Variants in BMPR1A observed in about 807,000 individuals in gnomAD.
The protein encoded by BMPR1A is bone morphogenetic protein receptor type 1A.
BMPR1A carries 7 observed loss-of-function variants against 66.0 expected under a neutral mutation model. That is an observed-to-expected ratio of 0.11 (90% CI 0.06 to 0.20). The LOEUF (loss-of-function observed/expected upper bound fraction) is 0.20. Ranked by LOEUF, BMPR1A falls within the 10% of genes least tolerant of loss-of-function variation. The pLI is 1.00. For missense variants in BMPR1A, 408 were observed against 669.1 expected, an observed-to-expected ratio of 0.61 and a Z score of 4.31; for synonymous variants, 200 against 229.7, an observed-to-expected ratio of 0.87 and a Z score of 1.17.
chr10:86,888,823 T>C (rs1045137150), intron 3 of BMPR1A, among the ~76,000 whole-genome samples: 2 of 115,578 alleles, frequency 1.7e-5, no homozygotes, highest in Non-Finnish European at 3.2e-5. Flanking sequence ...TGAGACCATG[T>C]CTCAAAAAAA....
chr10:86,792,584 C>T (rs936654796), intron 1 of BMPR1A, among the ~76,000 whole-genome samples: 1 of 152,050 alleles, frequency 6.6e-6, no homozygotes, highest in African/African-American at 2.4e-5. Context: ...TTGCTTGAGT[C>T]CAGGAGTTTG....
chr10:86,821,405 T>C (rs1842118340), intron 1 of BMPR1A, among the ~76,000 whole-genome samples: 1 of 152,126 alleles, frequency 6.6e-6, no homozygotes, highest in Admixed American at 6.5e-5. Context: ...TACATTATTT[T>C]TGTTTTTGCT....
intron 1 of BMPR1A, among the ~76,000 whole-genome samples, chr10:86,801,874 G>A (rs534513593): frequency 1.1e-4 from 16 of 152,032 alleles, no homozygotes; most frequent in African/African-American, 3.1e-4. Flanking sequence ...CACCATGCCC[G>A]GCTAATTTTT....
intron 1 of BMPR1A, among the ~76,000 whole-genome samples, chr10:86,820,684 T>TC (rs1842109525): frequency 6.6e-6 from 1 of 152,068 alleles, no homozygotes; most frequent in Non-Finnish European, 1.5e-5. Context: ...CTCCTTGCCC[T>TC]CCCCCCGGAC....
At chr10:86,808,473 G>A (rs1341653030) in intron 1 of BMPR1A, among the ~76,000 whole-genome samples, 1 of 151,738 alleles carries the variant, frequency 6.6e-6, no homozygotes, top group Admixed American at 6.6e-5. Context: ...TTTTCCAAAG[G>A]TGGAACTGTG....
At chr10:86,931,298 C>CACACACACACAT, downstream of BMPR1A, 27 of 90,924 alleles carry the variant, frequency 3.0e-4, 2 homozygotes, top group African/African-American at 1.9e-3. Context: ...CACACACACA[C>CACACACACACAT]ATATATATAT....
chr10:86,855,650 T>G, intron 2 of BMPR1A: 1 of 685,490 alleles, frequency 1.5e-6, no homozygotes, highest in Non-Finnish European at 2.7e-6. Flanking sequence ...GGCAGCTTTC[T>G]CCTGAGTATC....
chr10:86,888,055 G>GAT (rs1197880006), intron 3 of BMPR1A, among the ~76,000 whole-genome samples: 3 of 152,034 alleles, frequency 2.0e-5, no homozygotes, highest in Admixed American at 1.3e-4. Context: ...TCCAACGGAA[G>GAT]CCTTGACATT....
intron 2 of BMPR1A, among the ~76,000 whole-genome samples, chr10:86,861,787 T>C (rs1446621515): frequency 6.6e-6 from 1 of 152,210 alleles, no homozygotes; most frequent in Non-Finnish European, 1.5e-5. Context: ...CAGCGGAAAC[T>C]TTTTCCTCAC....
intron 1 of BMPR1A, among the ~76,000 whole-genome samples, chr10:86,759,204 T>A (rs1840985855): frequency 6.6e-6 from 1 of 152,200 alleles, no homozygotes; most frequent in Non-Finnish European, 1.5e-5. Flanking sequence ...AAGAGGGGCC[T>A]TTTGTGACAT....
chr10:86,778,613 C>A (rs558262200), intron 1 of BMPR1A, among the ~76,000 whole-genome samples: 1 of 152,056 alleles, frequency 6.6e-6, no homozygotes, highest in Non-Finnish European at 1.5e-5. Context: ...GTTTGATATT[C>A]TCCTTCTAGC....
chr10:86,890,269 T>A (rs1207529112), intron 4 of BMPR1A, 45 bp downstream of exon 4: 1 of 1,601,516 alleles, frequency 6.2e-7, no homozygotes, highest in Admixed American at 1.7e-5. Context: ...GAGAATAGAG[T>A]TGCATTTAGT....
In BMPR1A at chr10:86,925,121, G is replaced by C. The variant is rs1420517918; in HGVS notation, c.*1402G>C. 4.3e-6 allele frequency: 1 copy of C among 231,754 alleles called. No homozygotes were observed. The highest frequency in any genetic ancestry group is 8.5e-6 in the Non-Finnish European group (1 of 117,276). 14.4% of individuals were successfully genotyped at this position (231,754 alleles called of 1,614,324 possible). ...ATGAAAAATCAGGCAGAAATATTTAGTATCTAGTCAGTATCTGTAGCTACA... is the reference window on the plus strand; with the variant it reads ...ATGAAAAATCAGGCAGAAATATTTACTATCTAGTCAGTATCTGTAGCTACA... On this transcript the variant is annotated 3_prime_UTR_variant, in exon 13 of 13. Coordinates refer to ENST00000372037, the MANE Select transcript of BMPR1A (RefSeq NM_004329.3).
chr10:86,785,081 T>C (rs1354173445), intron 1 of BMPR1A, among the ~76,000 whole-genome samples: 4 of 152,218 alleles, frequency 2.6e-5, no homozygotes, highest in Non-Finnish European at 5.9e-5. Context: ...TGATTTCTTC[T>C]TTGAGTCATT....
At chr10:86,771,536 A>G (rs1841261967) in intron 1 of BMPR1A, among the ~76,000 whole-genome samples, 1 of 152,202 alleles carries the variant, frequency 6.6e-6, no homozygotes, top group Non-Finnish European at 1.5e-5. Context: ...CAAGGGTTGC[A>G]TAGTTCCTAA....
At chr10:86,874,601 G>T (rs1296336131) in intron 2 of BMPR1A, among the ~76,000 whole-genome samples, 2 of 150,942 alleles carry the variant, frequency 1.3e-5, no homozygotes, top group Non-Finnish European at 2.9e-5. Flanking sequence ...TAGAGACGGG[G>T]TTTCACTATG....
chr10:86,789,356 A>G (rs12765943), intron 1 of BMPR1A, among the ~76,000 whole-genome samples: 42,855 of 151,894 alleles, frequency 0.28, 7,451 homozygotes, highest in East Asian at 0.73. Context: ...AAAACAAGCC[A>G]TAGAATGGGA....
At chr10:86,797,231 A>ATTTTTT (rs1236270338) in intron 1 of BMPR1A, among the ~76,000 whole-genome samples, 1 of 83,776 alleles carries the variant, frequency 1.2e-5, no homozygotes. Flanking sequence ...AGCCCGGCTA[A>ATTTTTT]TTTTTTTTTT....
Position 86,911,178 on chromosome 10 carries a change from T to A in BMPR1A, c.531-1062T>A, listed in dbSNP as rs868857477. ...TCAAAAAAAAAAAAAAAAAAAAAAT[T>A]AAACCTTGAGAACATATTTCTTGAC... On this transcript the variant is annotated intron_variant, in intron 7 of 12. Coordinates refer to ENST00000372037, the MANE Select transcript of BMPR1A (RefSeq NM_004329.3). Among the ~76,000 whole-genome samples, 502 of 144,686 alleles carry A rather than the reference T, an allele frequency of 3.5e-3. 5 individuals are homozygous for A. Among genetic ancestry groups the A allele is most frequent in the African/African-American group, 0.012 (474 of 38,446 alleles). The allele number at this position is 144,686 out of a possible 152,430, so 94.9% of individuals were successfully genotyped here.
Sources: allele counts gnomAD v4.1 joint callset (sites outside exome capture counted in the v4.1 genomes callset), GRCh38; gene constraint gnomAD v4.1.1; transcripts MANE v1.5; gene names NCBI Gene and HGNC (gene_info 2026-07-23, HGNC 2026-07-21).